The following DNAH5 variants were observed in gnomAD, a reference collection of about 807,000 sequenced individuals.
DNAH5 encodes axonemal beta dynein heavy chain 5.
Under a neutral mutation model 518.2 loss-of-function variants are expected in DNAH5, and 372 were observed. That is an observed-to-expected ratio of 0.72 (90% CI 0.66 to 0.78). The LOEUF (loss-of-function observed/expected upper bound fraction) is 0.78, where lower values mean the gene tolerates loss of function less well. DNAH5 is among the 30% of genes least tolerant of loss of function. The probability of loss-of-function intolerance (pLI) is 0.00; values close to 1 mark genes in which losing one functional copy is unlikely to be tolerated. For synonymous variants in DNAH5, 2,039 were observed against 2,025.9 expected (o/e 1.01, Z -0.17); for missense variants, 5,523 against 5,687.0 (o/e 0.97, Z 0.93).
chr5:13,856,524 A>T (rs944013438), intron 30 of DNAH5, among the ~76,000 whole-genome samples: 3 of 152,232 alleles, frequency 2.0e-5, no homozygotes, highest in Non-Finnish European at 4.4e-5. Flanking sequence ...TTATGAGGCC[A>T]GCATCATCCT....
At chr5:13,829,863 A>G (rs957704842) in intron 37 of DNAH5, among the ~76,000 whole-genome samples, 159 bp from the exon 38 acceptor site, 1 of 149,618 alleles carries the variant, frequency 6.7e-6, no homozygotes, top group Admixed American at 6.7e-5. Flanking sequence ...CTAAGTCATG[A>G]GCTATTCATA....
intron 68 of DNAH5, among the ~76,000 whole-genome samples, chr5:13,732,592 C>A (rs917108633): frequency 3.9e-5 from 6 of 152,034 alleles, no homozygotes; most frequent in African/African-American, 1.2e-4. Flanking sequence ...TGGTCTTGAA[C>A]TCCTGACCTC....
At chr5:13,700,602 A>G (rs1223922538) in intron 78 of DNAH5, 38 bp downstream of exon 78, 6 of 1,565,136 alleles carry the variant, frequency 3.8e-6, no homozygotes, top group African/African-American at 1.4e-5. Flanking sequence ...ATCCAAACGA[A>G]CAATGCGAGC....
chr5:13,778,941 C>G (rs1277551789), intron 53 of DNAH5, among the ~76,000 whole-genome samples: 13 of 152,172 alleles, frequency 8.5e-5, no homozygotes, highest in Admixed American at 8.5e-4. Flanking sequence ...GTTGGGTATA[C>G]TGGATGTGGC....
intron 50 of DNAH5, 40 bp from the exon 51 acceptor site, chr5:13,788,954 TATGCCGTA>T: frequency 6.4e-7 from 1 of 1,574,600 alleles, no homozygotes; most frequent in Admixed American, 1.7e-5. Context: ...TAATTCCTGT[TATGCCGTA>T]ATTGGGAATT....
chr5:13,776,380 G>A (rs1754088534), intron 55 of DNAH5, 59 bp downstream of exon 55: 1 of 1,609,458 alleles, frequency 6.2e-7, no homozygotes, highest in East Asian at 2.2e-5. Context: ...AAGCATCCCT[G>A]AAAGAACTAG....
intron 78 of DNAH5, 106 bp from the exon 79 acceptor site, chr5:13,692,241 T>C: frequency 1.6e-6 from 2 of 1,268,600 alleles, no homozygotes; most frequent in Admixed American, 3.7e-5. Context: ...CAAAAACAGA[T>C]GGGTTTGGCT....
chr5:13,914,712 C>T (rs1580867948), intron 9 of DNAH5, 70 bp from the exon 10 acceptor site: 1 of 1,457,808 alleles, frequency 6.9e-7, no homozygotes, highest in East Asian at 2.3e-5. Flanking sequence ...ACTAGAAGGT[C>T]CTTAACTCTT....
intron 49 of DNAH5, 87 bp downstream of exon 49, chr5:13,793,428 G>C: frequency 3.5e-6 from 4 of 1,127,448 alleles, no homozygotes; most frequent in Non-Finnish European, 5.4e-6. Flanking sequence ...TGCTCTTTCT[G>C]TGTGGGTCTT....
intron 59 of DNAH5, 140 bp from the exon 60 acceptor site, chr5:13,763,041 A>T (rs1290524441): frequency 2.6e-6 from 2 of 778,576 alleles, no homozygotes; most frequent in Non-Finnish European, 4.3e-6. Context: ...ATTTTAAGAT[A>T]TGAGGCAAAA....
intron 58 of DNAH5, among the ~76,000 whole-genome samples, chr5:13,766,702 C>T (rs1012337546): frequency 5.3e-5 from 8 of 152,052 alleles, no homozygotes; most frequent in Admixed American, 3.9e-4. Flanking sequence ...CTTTAAATGA[C>T]GGGACTTGAG....
rs61744047 is a variant in DNAH5, at chr5:13,708,175, C to T, written c.13286G>A (p.Arg4429Gln). 2.8e-3 allele frequency: 4,471 copies of T among 1,614,148 alleles called. 139 individuals carry two copies. In the East Asian group the frequency reaches 0.064, roughly 23 times the overall value. Residue 4429 changes from arginine to glutamine, a missense_variant, in exon 76 of 79, where the codon CGA becomes CAA. Around this residue, in one of 3 missense-constraint regions of DNAH5, gnomAD observed 387 missense variants for 430.0 expected, o/e 0.90. Coordinates refer to ENST00000265104, the MANE Select transcript of DNAH5 (RefSeq NM_001369.3). ...DGTIIMSENL[R>Q]DALDCMFDAR... Reference sequence around the variant, plus strand: ...ATCAAACATGCAATCCAATGCATCTCGCAGATTTTCGCTCATGATGATGGT... The same window carrying T: ...ATCAAACATGCAATCCAATGCATCTTGCAGATTTTCGCTCATGATGATGGT...
At chr5:13,857,687 A>G (rs758557600) in intron 30 of DNAH5, among the ~76,000 whole-genome samples, 12 of 152,220 alleles carry the variant, frequency 7.9e-5, no homozygotes, top group African/African-American at 1.2e-4. Context: ...GGAACAGAAC[A>G]GAAGCTTCAG....
chr5:13,901,956 T>C, intron 13 of DNAH5, 97 bp downstream of exon 13: 1 of 960,424 alleles, frequency 1.0e-6, no homozygotes, highest in South Asian at 1.5e-5. Context: ...GAGGTTTTCC[T>C]TTCCATCAGA....
At chr5:13,732,779 A>G (rs1476906483) in intron 68 of DNAH5, among the ~76,000 whole-genome samples, 2 of 152,298 alleles carry the variant, frequency 1.3e-5, no homozygotes, top group African/African-American at 4.8e-5. Flanking sequence ...TTAGGTTTTC[A>G]TCATACGAAT....
At chr5:13,887,241 T>C (rs1420351467) in intron 17 of DNAH5, among the ~76,000 whole-genome samples, 1 of 152,234 alleles carries the variant, frequency 6.6e-6, no homozygotes, top group East Asian at 1.9e-4. Context: ...AATTCCTTTG[T>C]ATTGAGGGTT....
chr5:13,951,854 G>A (rs1780440395), intron 1 of DNAH5, among the ~76,000 whole-genome samples: 1 of 152,138 alleles, frequency 6.6e-6, no homozygotes, highest in Non-Finnish European at 1.5e-5. Flanking sequence ...AAAAAGTAGA[G>A]TTAGGTTTAC....
At chr5:13,713,008 CT>C (rs1351435117) in intron 75 of DNAH5, among the ~76,000 whole-genome samples, 1 of 151,800 alleles carries the variant, frequency 6.6e-6, no homozygotes. Flanking sequence ...AAAAAAGATA[CT>C]TGCACATGCA....
At chr5:13,876,594 G>A in intron 22 of DNAH5, 90 bp downstream of exon 22, 3 of 1,489,722 alleles carry the variant, frequency 2.0e-6, no homozygotes, top group South Asian at 1.3e-5. Flanking sequence ...TGAGACCCAG[G>A]CTACATAAAG....
Sources: gnomAD v4.1 joint callset for allele counts (sites outside exome capture counted in the v4.1 genomes callset) on GRCh38, gnomAD v4.1.1 for gene constraint, gnomAD v4.1.1 regional missense constraint, MANE v1.5 for transcripts, NCBI Gene and HGNC (gene_info 2026-07-23, HGNC 2026-07-21) for gene names.